RPS6KC1: variants seen among roughly 807,000 people sequenced by gnomAD.
RPS6KC1 encodes ribosomal protein S6 kinase C1.
In RPS6KC1, 54 loss-of-function variants were observed where a neutral mutation model predicts 103.8. The ratio of observed to expected loss-of-function variants is 0.52; its 90% CI spans 0.42 to 0.65. The LOEUF is 0.65. Ranked by LOEUF, RPS6KC1 falls within the 30% of genes least tolerant of loss-of-function variation. The pLI is 0.00. For synonymous variants in RPS6KC1, 439 were observed against 438.7 expected (o/e 1.00, Z -0.01); for missense variants, 1,151 against 1,253.8 (o/e 0.92, Z 1.24).
At chr1:213,282,544 C>T in the RPS6KC1 span, among the ~76,000 whole-genome samples, 1 of 152,232 alleles carries the variant, frequency 6.6e-6, no homozygotes, top group African/African-American at 2.4e-5. Flanking sequence ...ATAAAAAATG[C>T]ATTTTAAAAA....
the RPS6KC1 span, among the ~76,000 whole-genome samples, chr1:213,310,615 T>G: frequency 6.6e-6 from 1 of 152,256 alleles, no homozygotes; most frequent in Non-Finnish European, 1.5e-5. Context: ...GTTTATTACC[T>G]GGCTTCCCCT....
the RPS6KC1 span, among the ~76,000 whole-genome samples, chr1:213,740,487 T>C: frequency 6.6e-6 from 1 of 152,118 alleles, no homozygotes; most frequent in Non-Finnish European, 1.5e-5. Flanking sequence ...TCACTGTTTG[T>C]TTGTTAATAT....
chr1:213,187,476 C>A (rs2092580965), intron 8 of RPS6KC1, among the ~76,000 whole-genome samples: 1 of 151,968 alleles, frequency 6.6e-6, no homozygotes, highest in Non-Finnish European at 1.5e-5. Flanking sequence ...GAACTCCTGG[C>A]CTCAAGTGAT....
the RPS6KC1 span, among the ~76,000 whole-genome samples, chr1:213,300,144 A>G: frequency 6.6e-6 from 1 of 152,350 alleles, no homozygotes; most frequent in African/African-American, 2.4e-5. Flanking sequence ...TCCAATAGTT[A>G]ATGTGAAATA....
At chr1:213,657,097 C>T in the RPS6KC1 span, among the ~76,000 whole-genome samples, 4,447 of 151,974 alleles carry the variant, frequency 0.029, 111 homozygotes, top group African/African-American at 0.068. Context: ...TAACATAAAC[C>T]CAGGGGTCAT....
chr1:213,323,638 A>G, the RPS6KC1 span, among the ~76,000 whole-genome samples: 4 of 152,216 alleles, frequency 2.6e-5, no homozygotes, highest in Non-Finnish European at 5.9e-5. Flanking sequence ...TTGCCCCGTT[A>G]TAAATTCCTA....
At chr1:213,188,624 A>G (rs1382561126) in intron 8 of RPS6KC1, among the ~76,000 whole-genome samples, 1 of 152,186 alleles carries the variant, frequency 6.6e-6, no homozygotes, top group African/African-American at 2.4e-5. Flanking sequence ...AATTAAAAAT[A>G]CAATACCTTT....
chr1:213,692,012 C>G, the RPS6KC1 span, among the ~76,000 whole-genome samples: 28,214 of 152,130 alleles, frequency 0.19, 2,983 homozygotes, highest in African/African-American at 0.28. Context: ...GCAGCAACCT[C>G]CATTCTTGTG....
chr1:213,386,198 A>G, the RPS6KC1 span, among the ~76,000 whole-genome samples: 4 of 152,156 alleles, frequency 2.6e-5, no homozygotes, highest in African/African-American at 9.7e-5. Flanking sequence ...CTCTGTCGCC[A>G]TGGGATCTCT....
chr1:213,431,905 G>A, the RPS6KC1 span, among the ~76,000 whole-genome samples: 4 of 152,076 alleles, frequency 2.6e-5, no homozygotes, highest in South Asian at 8.3e-4. Context: ...CAGAGTGGTT[G>A]TACCAGTTGA....
At chr1:213,233,623 C>A (rs189869703) in intron 10 of RPS6KC1, among the ~76,000 whole-genome samples, 5 of 152,248 alleles carry the variant, frequency 3.3e-5, no homozygotes, top group Admixed American at 2.0e-4. Flanking sequence ...TTCTCCATAT[C>A]ATTTTTCATT....
chr1:213,826,572 A>AAATT, the RPS6KC1 span, among the ~76,000 whole-genome samples: 1 of 152,210 alleles, frequency 6.6e-6, no homozygotes, highest in Non-Finnish European at 1.5e-5. Flanking sequence ...TTTTGTTTAC[A>AAATT]AATTATTAAT....
intron 3 of RPS6KC1, among the ~76,000 whole-genome samples, chr1:213,098,687 T>C (rs1000433232): frequency 6.6e-6 from 1 of 152,178 alleles, no homozygotes; most frequent in Admixed American, 6.5e-5. Context: ...ACAATGTTAT[T>C]GTATTGCAAA....
the RPS6KC1 span, among the ~76,000 whole-genome samples, chr1:213,763,495 C>T: frequency 7.2e-5 from 11 of 152,258 alleles, no homozygotes; most frequent in South Asian, 4.2e-4. Flanking sequence ...AGGTCAATTC[C>T]GAGCAGGAAG....
chr1:213,301,964 G>A, the RPS6KC1 span, among the ~76,000 whole-genome samples: 12 of 152,070 alleles, frequency 7.9e-5, no homozygotes, highest in African/African-American at 2.9e-4. Context: ...TCGAACTCCT[G>A]GCCTCAAGTG....
At chr1:213,379,429 A>G in the RPS6KC1 span, among the ~76,000 whole-genome samples, 5 of 152,304 alleles carry the variant, frequency 3.3e-5, no homozygotes, top group Admixed American at 2.0e-4. Flanking sequence ...AAGTGATGTG[A>G]CTACAAGCCA....
the RPS6KC1 span, among the ~76,000 whole-genome samples, chr1:213,687,657 G>T: frequency 6.6e-6 from 1 of 152,138 alleles, no homozygotes; most frequent in African/African-American, 2.4e-5. Flanking sequence ...ATACAAGAGG[G>T]TCTCTAGTCT....
the RPS6KC1 span, among the ~76,000 whole-genome samples, chr1:213,727,071 G>A: frequency 6.6e-6 from 1 of 152,170 alleles, no homozygotes; most frequent in African/African-American, 2.4e-5. Flanking sequence ...CTGGAAGTGG[G>A]GCCCATCACT....
chr1:213,817,094 G>A, the RPS6KC1 span, among the ~76,000 whole-genome samples: 1 of 152,202 alleles, frequency 6.6e-6, no homozygotes, highest in African/African-American at 2.4e-5. Flanking sequence ...GACTGCTAAT[G>A]GCTGGAGGCT....
Sources: gnomAD v4.1 joint callset for allele counts (sites outside exome capture counted in the v4.1 genomes callset) on GRCh38, gnomAD v4.1.1 for gene constraint, MANE v1.5 for transcripts, NCBI Gene and HGNC (gene_info 2026-07-23, HGNC 2026-07-21) for gene names.